Variants in PTK2 observed in about 807,000 individuals in gnomAD.
PTK2 encodes the protein protein tyrosine kinase 2.
In PTK2, 45 loss-of-function variants were observed where a neutral mutation model predicts 150.1. The observed-to-expected ratio is 0.30, with a 90% confidence interval of 0.24 to 0.38. The LOEUF is 0.38. Among genes scored for constraint, PTK2 ranks in the 10% least tolerant of loss-of-function variants. The probability of loss-of-function intolerance (pLI) is 1.00; values close to 1 mark genes in which losing one functional copy is unlikely to be tolerated. For synonymous variants in PTK2, 432 were observed against 449.2 expected (o/e 0.96, Z 0.48); for missense variants, 919 against 1,307.3 (o/e 0.70, Z 4.58).
At chr8:140,753,242 T>A (rs2100063810) in intron 16 of PTK2, among the ~76,000 whole-genome samples, 1 of 152,172 alleles carries the variant, frequency 6.6e-6, no homozygotes. Flanking sequence ...GCTGAGATTC[T>A]GGTTATACTC....
chr8:140,980,495 G>A (rs909911206), intron 1 of PTK2, among the ~76,000 whole-genome samples: 12 of 151,898 alleles, frequency 7.9e-5, no homozygotes, highest in South Asian at 2.1e-4. Flanking sequence ...GGTGGTGGGC[G>A]CCTGTAGTCC....
At chr8:140,737,460 A>G (rs2100053245) in intron 21 of PTK2, among the ~76,000 whole-genome samples, 1 of 152,144 alleles carries the variant, frequency 6.6e-6, no homozygotes, top group Non-Finnish European at 1.5e-5. Flanking sequence ...ACTGCATTTT[A>G]CCACATTTGA....
chr8:140,943,251 A>G (rs750491777), intron 1 of PTK2, among the ~76,000 whole-genome samples: 3 of 152,094 alleles, frequency 2.0e-5, no homozygotes, highest in Non-Finnish European at 4.4e-5. Flanking sequence ...TTTATACTCA[A>G]TTCTCTCTTC....
At chr8:140,692,696 C>A (rs1164356790) in intron 26 of PTK2, among the ~76,000 whole-genome samples, 1 of 151,580 alleles carries the variant, frequency 6.6e-6, no homozygotes, top group Non-Finnish European at 1.5e-5. Context: ...GTGGGTATGG[C>A]TCTAGAAAAC....
At chr8:140,717,671 C>T (rs1011085024) in exon 23 of PTK2, 4 of 1,613,964 alleles carry the variant, frequency 2.5e-6, no homozygotes, top group African/African-American at 2.7e-5. Context: ...CATCCTCATG[C>T]GCTCTTCTTG....
At chr8:140,907,354 A>C (rs999242666) in intron 2 of PTK2, among the ~76,000 whole-genome samples, 9 of 152,212 alleles carry the variant, frequency 5.9e-5, no homozygotes, top group African/African-American at 2.2e-4. Flanking sequence ...ATCCCAAATA[A>C]GAAAATACAA....
intron 2 of PTK2, chr8:140,920,996 C>T: frequency 7.7e-7 from 1 of 1,305,374 alleles, no homozygotes; most frequent in Non-Finnish European, 9.7e-7. Context: ...CTTCGATCCA[C>T]AAGCAAGACT....
intron 22 of PTK2, among the ~76,000 whole-genome samples, chr8:140,719,320 A>G (rs1281517340): frequency 6.6e-6 from 1 of 152,226 alleles, no homozygotes. Flanking sequence ...AACTCTTCAC[A>G]GTATTTAAGA....
At chr8:140,905,461 CA>C (rs1239101061) in intron 2 of PTK2, among the ~76,000 whole-genome samples, 1 of 152,084 alleles carries the variant, frequency 6.6e-6, no homozygotes, top group Non-Finnish European at 1.5e-5. Context: ...GAGATCAATG[CA>C]ACAAGAAGAG....
intron 2 of PTK2, among the ~76,000 whole-genome samples, chr8:140,916,104 A>G (rs1020745396): frequency 5.3e-5 from 8 of 152,342 alleles, no homozygotes; most frequent in Non-Finnish European, 1.2e-4. Context: ...CTAATATTCA[A>G]AAATAGAAAT....
Position 140,960,140 on chromosome 8 carries a change from T to C in PTK2, c.-121-34391A>G, listed in dbSNP as rs931408160. Reference sequence around the variant, plus strand: ...TTTTTTAAATGTTCTACAATGAACATATATTGTATTAGAAGGAAAAAAACA... The same window carrying C: ...TTTTTTAAATGTTCTACAATGAACACATATTGTATTAGAAGGAAAAAAACA... On this transcript the variant is annotated intron_variant, in intron 1 of 31. Transcript: ENST00000522684. Among the ~76,000 whole-genome samples the C allele has an allele frequency of 3.3e-5, 5 of 150,368 alleles. No homozygotes were observed. In the South Asian group the frequency reaches 8.3e-4, roughly 25 times the overall value.
At chr8:140,840,451 A>G (rs1452031094) in intron 7 of PTK2, among the ~76,000 whole-genome samples, 2 of 152,212 alleles carry the variant, frequency 1.3e-5, no homozygotes, top group Non-Finnish European at 2.9e-5. Context: ...TCAATTTTGA[A>G]AAGATATAAC....
At chr8:140,838,834 GTC>G (rs2100120446) in intron 7 of PTK2, among the ~76,000 whole-genome samples, 1 of 151,862 alleles carries the variant, frequency 6.6e-6, no homozygotes, top group African/African-American at 2.4e-5. Context: ...GTGAAATCCC[GTC>G]TCTACTAAAA....
chr8:140,779,205 T>C (rs897021991), intron 14 of PTK2, among the ~76,000 whole-genome samples: 10 of 140,768 alleles, frequency 7.1e-5, no homozygotes, highest in African/African-American at 2.4e-4. Context: ...GAGGTTGCAG[T>C]GAGCCGAAAT....
chr8:140,987,020 C>G (rs183081824), intron 1 of PTK2, among the ~76,000 whole-genome samples: 260 of 152,098 alleles, frequency 1.7e-3, no homozygotes, highest in Non-Finnish European at 2.6e-3. Flanking sequence ...ATAAATGGGA[C>G]ATCATCAAAA....
At chr8:140,721,075 A>ATT (rs796241112) in intron 22 of PTK2, among the ~76,000 whole-genome samples, 8 of 143,840 alleles carry the variant, frequency 5.6e-5, no homozygotes, top group African/African-American at 1.5e-4. Context: ...TTCTTTCTTT[A>ATT]TTTTTTTTTT....
chr8:140,963,157 C>T (rs1396470634), intron 1 of PTK2, among the ~76,000 whole-genome samples: 1 of 152,008 alleles, frequency 6.6e-6, no homozygotes, highest in Non-Finnish European at 1.5e-5. Context: ...GTTCTTCCTC[C>T]TATAAATATA....
At position 140,846,681 on chromosome 8, in the gene PTK2, A is replaced by G. The variant is rs2154604326; in HGVS notation, c.451-3T>C. 1.9e-6 allele frequency: 3 copies of G among 1,601,508 alleles called. No individual in the cohort carries two copies. The highest frequency in any genetic ancestry group is 2.2e-5 in the East Asian group (1 of 44,682). ...TCTAACATATAATCGCTCTTCACCT[A>G]CAACAAAAGGAATGGGAAAAACAAC... On this transcript the variant is annotated splice_polypyrimidine_tract_variant and splice_region_variant and intron_variant, in intron 5 of 31. Coordinates refer to ENST00000522684, the Ensembl canonical transcript of PTK2.
At chr8:140,840,571 A>G (rs541090861) in intron 7 of PTK2, among the ~76,000 whole-genome samples, 3 of 152,184 alleles carry the variant, frequency 2.0e-5, no homozygotes, top group Non-Finnish European at 4.4e-5. Context: ...TAAAATCTGG[A>G]GTTGGTTAAT....
Sources: gnomAD v4.1 joint callset for allele counts (sites outside exome capture counted in the v4.1 genomes callset) on GRCh38, gnomAD v4.1.1 for gene constraint, MANE v1.5 for transcripts, NCBI Gene and HGNC (gene_info 2026-07-23, HGNC 2026-07-21) for gene names.